SYCP2: variants seen among roughly 807,000 people sequenced by gnomAD.
SYCP2 encodes the protein synaptonemal complex protein 2.
SYCP2 carries 55 observed loss-of-function variants against 211.3 expected under a neutral mutation model. That is an observed-to-expected ratio of 0.26 (90% CI 0.21 to 0.33). The LOEUF is 0.33. SYCP2 is among the 10% of genes least tolerant of loss of function. The probability of loss-of-function intolerance (pLI) is 1.00; values close to 1 mark genes in which losing one functional copy is unlikely to be tolerated. For missense variants in SYCP2, 1,731 were observed against 1,752.0 expected (o/e 0.99, Z 0.21); for synonymous variants, 570 against 555.2 (o/e 1.03, Z -0.37).
At chr20:59,925,279 G>C (rs1209919742) in intron 2 of SYCP2, among the ~76,000 whole-genome samples, 3 of 151,942 alleles carry the variant, frequency 2.0e-5, no homozygotes, top group Non-Finnish European at 4.4e-5. Context: ...ATACTTACAG[G>C]TTGATAGGTG....
Position 59,927,987 on chromosome 20 carries a change from G to A in SYCP2, c.-47+4075C>T, listed in dbSNP as rs75672708. ...GGTGGAAGGTGAAAAATGCAGGGCT[G>A]GAAAGGTCTAACTCAATTACCTTGC... On this transcript the variant is annotated intron_variant, in intron 2 of 44. Transcript: ENST00000357552. 1.1e-3 allele frequency among the ~76,000 whole-genome samples: 161 copies of A among 152,258 alleles called. 1 individual carries two copies. The highest frequency in any genetic ancestry group is 1.7e-3 in the Non-Finnish European group (118 of 68,000).
intron 18 of SYCP2, among the ~76,000 whole-genome samples, chr20:59,899,825 TTTCTA>T: frequency 6.6e-6 from 1 of 152,286 alleles, no homozygotes; most frequent in East Asian, 1.9e-4. Context: ...ACATTATACA[TTTCTA>T]TTCTACATTA....
chr20:59,865,348 T>G (rs376329143), intron 44 of SYCP2, 40 bp downstream of exon 44: 72 of 1,507,186 alleles, frequency 4.8e-5, no homozygotes, highest in Non-Finnish European at 6.3e-5. Context: ...CAAAAGACAT[T>G]AAAGTATGAT....
chr20:59,879,495 C>G (rs1329563227), intron 31 of SYCP2, among the ~76,000 whole-genome samples: 1 of 151,800 alleles, frequency 6.6e-6, no homozygotes, highest in Non-Finnish European at 1.5e-5. Flanking sequence ...TTGAAAAGCA[C>G]AGAGTTAAGT....
chr20:59,871,673 A>G (rs934934380), intron 35 of SYCP2, among the ~76,000 whole-genome samples: 1 of 151,944 alleles, frequency 6.6e-6, no homozygotes, highest in Non-Finnish European at 1.5e-5. Flanking sequence ...AAGATGCTCA[A>G]ATCTGTGATA....
Position 59,881,488 on chromosome 20 carries a change from T to G in SYCP2, c.2663A>C (p.Gln888Pro), listed in dbSNP as rs765657034. 6.7e-7 allele frequency: 1 copy of G among 1,499,096 alleles called. No individual in the cohort carries two copies. Among genetic ancestry groups the G allele is most frequent in the Non-Finnish European group, 9.0e-7 (1 of 1,109,836 alleles). The allele number at this position is 1,499,096 out of a possible 1,614,324, so 92.9% of individuals were successfully genotyped here. A position where few individuals can be genotyped will look rare whatever the true frequency, so the allele number is the denominator to read the frequency against. ...TTCTTTAGCTGTAGCTTGAAACTCTTGGATCTATATTGTAAATAAACAAAA... is the reference window on the plus strand; with the variant it reads ...TTCTTTAGCTGTAGCTTGAAACTCTGGGATCTATATTGTAAATAAACAAAA... ...ADDPIIKLGI[Q>P]EFQATAKEAC... The change falls in exon 29 of 45, where the codon CAA becomes CCA. Residue 888 changes from glutamine (Q) to proline (P), a missense_variant. Gln to Pro is a moderately conservative substitution (Grantham distance 76). Coordinates refer to ENST00000357552, the MANE Select transcript of SYCP2 (RefSeq NM_014258.4).
In SYCP2 at chr20:59,864,231, T is replaced by A; in HGVS notation, c.*80A>T. On this transcript the variant is annotated 3_prime_UTR_variant, in exon 45 of 45. Coordinates refer to ENST00000357552, the MANE Select transcript of SYCP2 (RefSeq NM_014258.4). The stretch of plus-strand genomic sequence containing the variant: ...TGCTTCGGTGACATGTATATTTTTC[T>A]CTTTGTAGGACTATTCTTATTTCCT... 1 of 1,007,152 alleles carries A rather than the reference T, an allele frequency of 9.9e-7. No individual in the cohort carries two copies. The highest frequency in any genetic ancestry group is 1.7e-5 in the South Asian group (1 of 60,324). 62.4% of individuals were successfully genotyped at this position (1,007,152 alleles called of 1,614,324 possible). A position where few individuals can be genotyped will look rare whatever the true frequency, so the allele number is the denominator to read the frequency against.
intron 18 of SYCP2, among the ~76,000 whole-genome samples, chr20:59,899,418 T>C (rs566222434): frequency 6.6e-6 from 1 of 152,312 alleles, no homozygotes; most frequent in South Asian, 2.1e-4. Flanking sequence ...GATGCAGCTA[T>C]AGAATTTTGA....
chr20:59,907,728 T>C (rs1391784519), intron 14 of SYCP2, among the ~76,000 whole-genome samples: 2 of 152,192 alleles, frequency 1.3e-5, no homozygotes, highest in African/African-American at 4.8e-5. Context: ...TTACCAAGTC[T>C]TTTTATGTTT....
intron 32 of SYCP2, 152 bp from the exon 33 acceptor site, chr20:59,877,707 C>G: frequency 1.4e-6 from 1 of 726,790 alleles, no homozygotes; most frequent in Non-Finnish European, 2.2e-6. Flanking sequence ...TGGATTTTAT[C>G]TTCCCATTCC....
intron 2 of SYCP2, among the ~76,000 whole-genome samples, chr20:59,927,057 G>A (rs1370804859): frequency 1.3e-5 from 2 of 152,068 alleles, no homozygotes; most frequent in Non-Finnish European, 2.9e-5. Flanking sequence ...CCTTTCCATG[G>A]AAAACAGCTG....
chr20:59,901,672 G>C lies in SYCP2; in HGVS notation c.1172C>G (p.Thr391Ser). ...TNVTQKIFGA[T>S]KHRESIRKQG... ...AGTTTAAAGACTTACCCTATGTTTA[G>C]TTGCACCAAAAATTTTTTGAGTTAC... The change falls in exon 16 of 45, where the codon ACT becomes AGT. Residue 391 changes from threonine (T) to serine (S), a missense_variant. By Grantham distance (58) the Thr-to-Ser change is moderately conservative (BLOSUM62 1). Coordinates refer to ENST00000357552, the MANE Select transcript of SYCP2 (RefSeq NM_014258.4). The C allele has an allele frequency of 6.4e-7, 1 of 1,561,822 alleles. No homozygotes were observed.
rs376056840 is a variant in SYCP2, at chr20:59,864,457, G to GAAA, written c.4516-72_4516-70dup. ...CGCTGTAAAACCACCAAATAAAATAGAAAAAAAAAAATCAAGCTGTTATTA... is the reference window on the plus strand; with the variant it reads ...CGCTGTAAAACCACCAAATAAAATAGAAAAAAAAAAAAAATCAAGCTGTTATTA... On this transcript the variant is annotated intron_variant, in intron 44 of 44. Transcript: ENST00000357552. The GAAA allele has an allele frequency of 1.4e-5, 12 of 836,160 alleles. No homozygotes were observed. The African/African-American group carries it at 2.0e-4, about 14-fold the overall frequency. 51.8% of individuals were successfully genotyped at this position (836,160 alleles called of 1,614,324 possible).
In SYCP2 at chr20:59,864,221, T is replaced by C. The variant is rs1016488267; in HGVS notation, c.*90A>G. 3 of 907,216 alleles carry C rather than the reference T, an allele frequency of 3.3e-6. No homozygotes were observed. Among genetic ancestry groups the C allele is most frequent in the Non-Finnish European group, 5.0e-6 (3 of 600,156 alleles). The allele number at this position is 907,216 out of a possible 1,614,324, so 56.2% of individuals were successfully genotyped here. A position where few individuals can be genotyped will look rare whatever the true frequency, so the allele number is the denominator to read the frequency against. ...AGGGTACACTTGCTTCGGTGACATG[T>C]ATATTTTTCTCTTTGTAGGACTATT... On this transcript the variant is annotated 3_prime_UTR_variant, in exon 45 of 45. Coordinates refer to ENST00000357552, the MANE Select transcript of SYCP2 (RefSeq NM_014258.4).
At chr20:59,933,358 T>C (rs1337137249) in intron 1 of SYCP2, 2 of 151,354 alleles carry the variant, frequency 1.3e-5, no homozygotes, top group African/African-American at 4.9e-5. Context: ...CCGCGAACTC[T>C]GCACAGCCCA....
intron 15 of SYCP2, among the ~76,000 whole-genome samples, chr20:59,906,328 T>G (rs1056771850): frequency 2.6e-5 from 4 of 152,010 alleles, no homozygotes; most frequent in African/African-American, 9.7e-5. Context: ...ATCAAAACAG[T>G]GTGGTACTGA....
chr20:59,882,041 T>C (rs1888746366), intron 27 of SYCP2, 39 bp from the exon 28 acceptor site: 1 of 1,606,602 alleles, frequency 6.2e-7, no homozygotes. Context: ...CACTTAAATA[T>C]GTGTAGTCTC....
intron 17 of SYCP2, among the ~76,000 whole-genome samples, 159 bp downstream of exon 17, chr20:59,900,585 T>C (rs544039516): frequency 6.6e-6 from 1 of 152,266 alleles, no homozygotes; most frequent in South Asian, 2.1e-4. Flanking sequence ...TTATCATTAA[T>C]AACATGTTTA....
intron 14 of SYCP2, among the ~76,000 whole-genome samples, chr20:59,907,934 A>G (rs933345358): frequency 6.6e-6 from 1 of 152,172 alleles, no homozygotes; most frequent in Non-Finnish European, 1.5e-5. Context: ...CTGAATTCAC[A>G]AAGTTATAGT....
Sources: allele counts gnomAD v4.1 joint callset (sites outside exome capture counted in the v4.1 genomes callset), GRCh38; gene constraint gnomAD v4.1.1; transcripts MANE v1.5; gene names NCBI Gene and HGNC (gene_info 2026-07-23, HGNC 2026-07-21).